Variants in JAKMIP3 observed in about 807,000 individuals in gnomAD.
JAKMIP3 encodes Janus kinase and microtubule interacting protein 3.
JAKMIP3 carries 58 observed loss-of-function variants against 118.5 expected under a neutral mutation model. The ratio of observed to expected loss-of-function variants is 0.49; its 90% CI spans 0.40 to 0.61. The LOEUF (loss-of-function observed/expected upper bound fraction) is 0.61, where lower values mean the gene tolerates loss of function less well. Among genes scored for constraint, JAKMIP3 ranks in the 20% least tolerant of loss-of-function variants. The pLI is 0.00. For missense variants in JAKMIP3, 950 were observed against 1,109.0 expected, an observed-to-expected ratio of 0.86 and a Z score of 2.04; for synonymous variants, 486 against 451.2, an observed-to-expected ratio of 1.08 and a Z score of -0.98.
At chr10:132,064,386 C>T (rs537237979), upstream of JAKMIP3, among the ~76,000 whole-genome samples, 1 of 152,184 alleles carries the variant, frequency 6.6e-6, no homozygotes, top group Non-Finnish European at 1.5e-5. This position sits in a 1 kb window ranked among gnomAD's most constrained non-coding sequence, Gnocchi z 4.4. Flanking sequence ...AGGTTGTCCC[C>T]GTGGCCTGCC....
intron 3 of JAKMIP3, among the ~76,000 whole-genome samples, chr10:132,126,636 C>T (rs1447720019): frequency 6.6e-6 from 1 of 152,156 alleles, no homozygotes; most frequent in East Asian, 1.9e-4. Context: ...GCCAGCAATA[C>T]TCTTCATCAG....
chr10:132,153,004 T>A lies in JAKMIP3; in HGVS notation c.2054T>A (p.Val685Asp). 6.2e-7 allele frequency: 1 copy of A among 1,608,970 alleles called. No individual in the cohort carries two copies. The highest frequency in any genetic ancestry group is 8.5e-7 in the Non-Finnish European group (1 of 1,178,066). The change falls in exon 17 of 24, where the codon GTC (valine) becomes GAC (aspartate). Residue 685 changes from valine (V) to aspartate (D), a missense_variant. By Grantham distance (152) the Val-to-Asp change is radical. Coordinates refer to ENST00000684848, the MANE Select transcript of JAKMIP3 (RefSeq NM_001323087.2). ...EQVVVIQARTVLTLAEKWLQQ... is the reference protein window; with the variant it reads ...EQVVVIQARTDLTLAEKWLQQ... ...GTGGTTGTCATACAAGCCAGGACAG[T>A]CCTGACCTTGGCCGAAAAGGTAACA...
chr10:132,171,165 G>A (rs572613583), intron 23 of JAKMIP3, among the ~76,000 whole-genome samples: 8 of 152,374 alleles, frequency 5.3e-5, no homozygotes, highest in East Asian at 1.9e-4. Flanking sequence ...GGCCGAGGCC[G>A]CCAGCTCACA....
chr10:132,053,938 G>T (rs1009518638), intron 1 of JAKMIP3, among the ~76,000 whole-genome samples: 1 of 151,990 alleles, frequency 6.6e-6, no homozygotes, highest in Non-Finnish European at 1.5e-5. Flanking sequence ...TCGGGTGGGG[G>T]CTGAGGCAGG....
intron 1 of JAKMIP3, among the ~76,000 whole-genome samples, chr10:132,102,686 C>T (rs1012199536): frequency 1.4e-4 from 22 of 152,232 alleles, no homozygotes; most frequent in Non-Finnish European, 2.5e-4. Context: ...AGGCCATCTT[C>T]ACTCACCCGT....
In JAKMIP3 at chr10:132,104,880, C is replaced by T; in HGVS notation, c.72C>T (p.Ala24=). The T allele has an allele frequency of 1.3e-6, 2 of 1,573,948 alleles. No homozygotes were observed. Among genetic ancestry groups the T allele is most frequent in the Non-Finnish European group, 1.7e-6 (2 of 1,160,488 alleles). The change falls in exon 2 of 24, where the codon GCC becomes GCT. Residue 24 remains alanine, a synonymous_variant. Transcript: ENST00000684848. ...AGGCCCTCGCGGCGCTGCAGGCGGC[C>T]AACGAGGATCTTCGAGCCAAGCTCA... ...KAEALAALQA[A]NEDLRAKLTD...
At chr10:132,140,397 A>C (rs938871908) in intron 9 of JAKMIP3, 54 bp from the exon 10 acceptor site, 27 of 1,606,946 alleles carry the variant, frequency 1.7e-5, no homozygotes, top group Admixed American at 3.3e-5. Flanking sequence ...CGGCGGGAGG[A>C]GGCGGCTGTG....
At chr10:132,171,728 T>C (rs1249920709) in intron 23 of JAKMIP3, among the ~76,000 whole-genome samples, 1 of 150,370 alleles carries the variant, frequency 6.7e-6, no homozygotes. Context: ...CTCGGCTCAC[T>C]GCAACCTCCT....
chr10:132,086,388 A>G (rs1481047754), intron 1 of JAKMIP3, among the ~76,000 whole-genome samples: 1 of 152,132 alleles, frequency 6.6e-6, no homozygotes, highest in Admixed American at 6.5e-5. Context: ...GTTCCAGGGT[A>G]TAGTTTAAAT....
At chr10:132,091,672 C>T (rs142479831) in intron 1 of JAKMIP3, among the ~76,000 whole-genome samples, 4 of 152,044 alleles carry the variant, frequency 2.6e-5, no homozygotes, top group East Asian at 1.9e-4. Flanking sequence ...TGTCTCTGCA[C>T]GTGAGATGGG....
At chr10:132,115,139 G>A (rs1057429356) in intron 2 of JAKMIP3, among the ~76,000 whole-genome samples, 9 of 152,276 alleles carry the variant, frequency 5.9e-5, no homozygotes, top group African/African-American at 1.9e-4. Context: ...TCAAATTAGC[G>A]CTGAGCACTG....
intron 9 of JAKMIP3, among the ~76,000 whole-genome samples, chr10:132,138,465 C>T (rs576515747): frequency 7.9e-5 from 12 of 151,696 alleles, no homozygotes; most frequent in South Asian, 2.1e-4. Flanking sequence ...GGACCGCGCC[C>T]GCGTGTGTGG....
intron 19 of JAKMIP3, among the ~76,000 whole-genome samples, chr10:132,160,165 T>C (rs1371756474): frequency 8.0e-5 from 3 of 37,670 alleles, no homozygotes; most frequent in Non-Finnish European, 1.6e-4. Flanking sequence ...TGCTAGGGGG[T>C]CTCTTCCTGT....
rs1203153724 is a variant in JAKMIP3, at chr10:132,142,096, G to T, written c.1602+48G>T. ...GTTCCGGCCCCCCTCGTGCCTTCCC[G>T]CTTGACCCCGTGGCCTGGGCTGGGA... On this transcript the variant is annotated intron_variant, in intron 11 of 23. Transcript: ENST00000684848. The T allele has an allele frequency of 3.9e-6, 6 of 1,545,504 alleles. No individual in the cohort carries two copies. In the East Asian group the frequency reaches 1.4e-4, roughly 36 times the overall value.
intron 1 of JAKMIP3, among the ~76,000 whole-genome samples, chr10:132,092,919 T>C (rs886475276): frequency 1.3e-5 from 2 of 152,240 alleles, no homozygotes; most frequent in East Asian, 1.9e-4. Flanking sequence ...TTGATCTTTT[T>C]TGATGGTGAC....
upstream of JAKMIP3, among the ~76,000 whole-genome samples, chr10:132,060,507 C>T (rs1174333246): frequency 1.3e-5 from 2 of 152,094 alleles, no homozygotes; most frequent in Non-Finnish European, 2.9e-5. Context: ...AGGAAGGGAA[C>T]CTACCAAAAT....
chr10:132,182,042 G>T (rs1228539723), intron 23 of JAKMIP3, among the ~76,000 whole-genome samples: 1 of 152,270 alleles, frequency 6.6e-6, no homozygotes, highest in African/African-American at 2.4e-5. Context: ...GGTAGAAACC[G>T]GGCTGCTGGC....
chr10:132,068,194 A>AGGTGGACTGTGGGCTTCCG (rs1564861849), intron 1 of JAKMIP3, among the ~76,000 whole-genome samples: 1 of 128,254 alleles, frequency 7.8e-6, no homozygotes, highest in African/African-American at 2.9e-5. Flanking sequence ...GTGGGCTTCC[A>AGGTGGACTGTGGGCTTCCG]TGTGGACTGT....
chr10:132,102,325 C>T (rs886085947), intron 1 of JAKMIP3, among the ~76,000 whole-genome samples: 1 of 152,144 alleles, frequency 6.6e-6, no homozygotes, highest in East Asian at 1.9e-4. Context: ...CTGATGACGT[C>T]CGCGGGACAA....
Sources: allele counts gnomAD v4.1 joint callset (sites outside exome capture counted in the v4.1 genomes callset), GRCh38; gene constraint gnomAD v4.1.1; non-coding constraint Gnocchi (gnomAD v3.1); transcripts MANE v1.5; gene names NCBI Gene and HGNC (gene_info 2026-07-23, HGNC 2026-07-21).